CCSER1: variants seen among roughly 807,000 people sequenced by gnomAD.
The protein encoded by CCSER1 is coiled-coil serine rich protein 1, also known as serine-rich coiled-coil domain-containing protein 1.
In CCSER1, 41 loss-of-function variants were observed where a neutral mutation model predicts 82.0. The observed-to-expected ratio is 0.50, with a 90% CI of 0.39 to 0.65. The LOEUF is 0.65. Ranked by LOEUF, CCSER1 falls within the 30% of genes least tolerant of loss-of-function variation. The pLI is 0.00. For synonymous variants in CCSER1, 414 were observed against 383.9 expected (o/e 1.08, Z -0.92); for missense variants, 1,119 against 1,064.2 (o/e 1.05, Z -0.72).
intron 9 of CCSER1, among the ~76,000 whole-genome samples, chr4:91,003,155 G>T (rs573338930): frequency 1.3e-5 from 2 of 152,318 alleles, no homozygotes; most frequent in South Asian, 2.1e-4. Flanking sequence ...GAGGTGGCAG[G>T]GGGGTGAAAT....
At chr4:91,009,109 G>A (rs1738779782) in intron 9 of CCSER1, among the ~76,000 whole-genome samples, 1 of 152,212 alleles carries the variant, frequency 6.6e-6, no homozygotes, top group Non-Finnish European at 1.5e-5. Context: ...AGGGATGGAA[G>A]TCAGGGGCGG....
chr4:90,472,380 G>C (rs557765642), intron 5 of CCSER1, among the ~76,000 whole-genome samples: 1 of 151,966 alleles, frequency 6.6e-6, no homozygotes, highest in Non-Finnish European at 1.5e-5. Flanking sequence ...TTTTACTTTT[G>C]ACTTTTTTTA....
intron 5 of CCSER1, among the ~76,000 whole-genome samples, chr4:90,497,044 AG>A (rs1242724849): frequency 6.6e-6 from 1 of 151,844 alleles, no homozygotes; most frequent in East Asian, 1.9e-4. Context: ...ATAGAAGGAA[AG>A]AGAGACCAAG....
rs10006745 is a variant in CCSER1, at chr4:90,280,397, T to C, written c.-41-27847T>C. On this transcript the variant is annotated intron_variant, in intron 1 of 10. Transcript: ENST00000509176. ...CTTCCCTCCCTCCTTCCATCTCCTG[T>C]TTTTTTCTTCTTCTTCTTCTTTTTA... is the stretch of plus-strand genomic sequence containing the variant. Among the ~76,000 whole-genome samples the C allele has an allele frequency of 5.8e-3, 876 of 150,898 alleles. 8 individuals carry two copies. The highest frequency in any genetic ancestry group is 0.021 in the African/African-American group (852 of 40,516).
chr4:90,232,837 A>G (rs1241272152), intron 1 of CCSER1, among the ~76,000 whole-genome samples: 3 of 151,810 alleles, frequency 2.0e-5, no homozygotes, highest in Non-Finnish European at 4.4e-5. Flanking sequence ...ACTTCTCAAA[A>G]GAAGACATTT....
chr4:90,915,671 C>G (rs1324644282), intron 8 of CCSER1, among the ~76,000 whole-genome samples: 2 of 151,898 alleles, frequency 1.3e-5, no homozygotes, highest in Non-Finnish European at 2.9e-5. Context: ...CCAGGTCAAT[C>G]AGGCAGGAGA....
At position 91,605,281 on chromosome 4, in the gene CCSER1, T is replaced by G. The variant is rs1002414846; in HGVS notation, c.*6224T>G. 1 of 152,088 alleles carries G rather than the reference T, an allele frequency of 6.6e-6. No homozygotes were observed. Among genetic ancestry groups the G allele is most frequent in the Non-Finnish European group, 1.5e-5 (1 of 67,970 alleles). 9.4% of individuals were successfully genotyped at this position (152,088 alleles called of 1,614,324 possible). A position where few individuals can be genotyped will look rare whatever the true frequency, so the allele number is the denominator to read the frequency against. ...ATGCATATTTCCTGCTCATAATAAATTTTAAAACAACAAATTAGTTGTGTG... is the reference window on the plus strand; with the variant it reads ...ATGCATATTTCCTGCTCATAATAAAGTTTAAAACAACAAATTAGTTGTGTG... On this transcript the variant is annotated 3_prime_UTR_variant, in exon 11 of 11. Coordinates refer to ENST00000509176, the MANE Select transcript of CCSER1 (RefSeq NM_001145065.2).
At chr4:91,487,882 A>G (rs752468683) in intron 10 of CCSER1, among the ~76,000 whole-genome samples, 1 of 152,008 alleles carries the variant, frequency 6.6e-6, no homozygotes, top group Non-Finnish European at 1.5e-5. Flanking sequence ...TGTTTCAGAT[A>G]TGCACAGATA....
chr4:90,396,958 A>G (rs969234156), intron 3 of CCSER1, among the ~76,000 whole-genome samples: 1 of 133,006 alleles, frequency 7.5e-6, no homozygotes, highest in African/African-American at 3.3e-5. Context: ...TGTTGCTGCT[A>G]TTGGTGACTG....
intron 3 of CCSER1, among the ~76,000 whole-genome samples, chr4:90,337,009 C>T (rs910509085): frequency 6.6e-6 from 1 of 152,032 alleles, no homozygotes; most frequent in Non-Finnish European, 1.5e-5. Context: ...AATATCTGGC[C>T]TAGAAAATAA....
chr4:90,475,885 T>C (rs1765005470), intron 5 of CCSER1, among the ~76,000 whole-genome samples: 1 of 152,168 alleles, frequency 6.6e-6, no homozygotes, highest in African/African-American at 2.4e-5. Flanking sequence ...CGAGTACCAC[T>C]ACCCGCTACC....
At chr4:91,458,095 T>G (rs564077393) in intron 10 of CCSER1, among the ~76,000 whole-genome samples, 1 of 152,156 alleles carries the variant, frequency 6.6e-6, no homozygotes, top group South Asian at 2.1e-4. Flanking sequence ...TGTCCTGAAG[T>G]AGTTCTCCAA....
intron 10 of CCSER1, among the ~76,000 whole-genome samples, chr4:91,307,532 A>C (rs1745156253): frequency 6.6e-6 from 1 of 151,988 alleles, no homozygotes. Flanking sequence ...TGGTATACTT[A>C]TACCATGGCT....
intron 10 of CCSER1, among the ~76,000 whole-genome samples, chr4:91,282,205 C>T (rs1431509960): frequency 6.6e-6 from 1 of 152,120 alleles, no homozygotes; most frequent in Non-Finnish European, 1.5e-5. Flanking sequence ...GGCAGATCTC[C>T]TTTCTGATCT....
intron 4 of CCSER1, among the ~76,000 whole-genome samples, chr4:90,441,385 C>T (rs1233474827): frequency 1.3e-5 from 2 of 152,104 alleles, no homozygotes; most frequent in East Asian, 3.9e-4. Context: ...TGGTCCATTG[C>T]TGCTAAAGGC....
At chr4:91,341,177 T>C (rs1747695950) in intron 10 of CCSER1, among the ~76,000 whole-genome samples, 1 of 152,218 alleles carries the variant, frequency 6.6e-6, no homozygotes, top group South Asian at 2.1e-4. Flanking sequence ...GACTTTGTTT[T>C]CAGATCATTG....
chr4:91,277,347 C>G (rs1413723729), intron 10 of CCSER1, among the ~76,000 whole-genome samples: 2 of 151,936 alleles, frequency 1.3e-5, no homozygotes, highest in Non-Finnish European at 2.9e-5. Flanking sequence ...TTTATTACTG[C>G]TTCAATCTTA....
intron 10 of CCSER1, among the ~76,000 whole-genome samples, chr4:91,405,906 C>T (rs893942482): frequency 1.2e-4 from 19 of 152,102 alleles, no homozygotes; most frequent in African/African-American, 4.6e-4. Flanking sequence ...GTGAGATGAA[C>T]CTGGTACCTC....
chr4:90,349,406 C>T (rs1217937836), intron 3 of CCSER1, among the ~76,000 whole-genome samples: 1 of 151,950 alleles, frequency 6.6e-6, no homozygotes, highest in Non-Finnish European at 1.5e-5. Context: ...CATTGGTGAG[C>T]ACTTGTTTAG....
Sources: gnomAD v4.1 joint callset for allele counts (sites outside exome capture counted in the v4.1 genomes callset) on GRCh38, gnomAD v4.1.1 for gene constraint, MANE v1.5 for transcripts, NCBI Gene and HGNC (gene_info 2026-07-23, HGNC 2026-07-21) for gene names.